The following GNAS variants were observed in gnomAD, a reference collection of about 807,000 sequenced individuals.
GNAS encodes GNAS complex locus.
A neutral mutation model predicts 54.5 loss-of-function variants in GNAS; 8 were observed. The observed-to-expected ratio is 0.15, with a 90% CI of 0.09 to 0.26. The LOEUF is 0.26. Ranked by LOEUF, GNAS falls within the 10% of genes least tolerant of loss-of-function variation. GNAS has a pLI of 1.00. For missense variants in GNAS, 170 were observed against 529.8 expected, an observed-to-expected ratio of 0.32 and a Z score of 6.67; for synonymous variants, 204 against 191.4, an observed-to-expected ratio of 1.07 and a Z score of -0.54.
At position 58,858,211 on chromosome 20, in the gene GNAS, A is replaced by G. The variant is rs535460420; in HGVS notation, c.43+17325A>G. On this transcript the variant is annotated intron_variant, in intron 1 of 12. Coordinates refer to the GNAS transcript ENST00000306090. Reference sequence around the variant, plus strand: ...AACAAGACATCCATACATCCCTACCACTGAAAATGCAGATCAAATGGCTGT... The same window carrying G: ...AACAAGACATCCATACATCCCTACCGCTGAAAATGCAGATCAAATGGCTGT... Among the ~76,000 whole-genome samples, 18 of 152,320 alleles carry G rather than the reference A, an allele frequency of 1.2e-4. No homozygotes were observed. In the South Asian group the frequency reaches 3.7e-3, roughly 32 times the overall value.
rs2091384119 is a variant in GNAS, at chr20:58,910,800, A to G, written c.1156A>G (p.Met386Val). 1.2e-6 allele frequency: 2 copies of G among 1,614,076 alleles called. No individual in the cohort carries two copies. Among genetic ancestry groups the G allele is most frequent in the Non-Finnish European group, 1.7e-6 (2 of 1,180,038 alleles). ...FNDCRDIIQR[M>V]HLRQYELL is the part of the protein sequence containing the mutation. Reference sequence around the variant, plus strand: ...CGACTGCCGTGACATCATTCAGCGCATGCACCTTCGTCAGTACGAGCTGCT... The same window carrying G: ...CGACTGCCGTGACATCATTCAGCGCGTGCACCTTCGTCAGTACGAGCTGCT... Residue 386 changes from methionine (M) to valine (V), a missense_variant, in exon 13 of 13, where the codon ATG becomes GTG. Met to Val is a conservative substitution (Grantham distance 21). Transcript: ENST00000371085. The surrounding 1 kb of genome is among the most constrained non-coding windows in gnomAD (Gnocchi z 5.8).
upstream of GNAS, chr20:58,889,403 G>C: frequency 1.0e-6 from 1 of 981,842 alleles, no homozygotes. Context: ...GTCGCCCGGC[G>C]CAGGCAAGAG....
rs2086245794 is a variant in GNAS, at chr20:58,853,004, TG to T, written c.43+12124del. 4.7e-6 allele frequency: 6 copies of T among 1,282,980 alleles called. No individual in the cohort carries two copies. Among genetic ancestry groups the T allele is most frequent in the Non-Finnish European group, 3.9e-6 (4 of 1,016,314 alleles). The allele number at this position is 1,282,980 out of a possible 1,614,324, so 79.5% of individuals were successfully genotyped here. On this transcript the variant is annotated intron_variant, in intron 1 of 12. Coordinates refer to the GNAS transcript ENST00000306090. This position sits in a 1 kb window ranked among gnomAD's most constrained non-coding sequence, Gnocchi z 4.4. ...TAAGGATAGACCAAGGAAGAGGGGC[TG>T]GGGGGCAGCCTGGGGGCATGAAAAG...
Position 58,855,263 on chromosome 20 carries a change from TA to T in GNAS, c.43+14379del. On this transcript the variant is annotated intron_variant, in intron 1 of 12. Coordinates refer to the GNAS transcript ENST00000306090. ...AGAAGCGCGCAGAGAAGAAACGCAGTAAGCTCATCGACAAACAACTCCAGGA... is the reference window on the plus strand; with the variant it reads ...AGAAGCGCGCAGAGAAGAAACGCAGTAGCTCATCGACAAACAACTCCAGGA... 2 of 1,588,034 alleles carry T rather than the reference TA, an allele frequency of 1.3e-6. No homozygotes were observed. The highest frequency in any genetic ancestry group is 1.7e-6 in the Non-Finnish European group (2 of 1,166,750).
At chr20:58,868,421 T>C (rs944457254) in intron 1 of GNAS, among the ~76,000 whole-genome samples, 1 of 152,014 alleles carries the variant, frequency 6.6e-6, no homozygotes, top group African/African-American at 2.4e-5. Flanking sequence ...CCCAAAGTGC[T>C]GGGATTACAG....
intron 1 of GNAS, among the ~76,000 whole-genome samples, chr20:58,877,739 G>A (rs1195243553): frequency 6.6e-6 from 1 of 152,224 alleles, no homozygotes; most frequent in Non-Finnish European, 1.5e-5. Flanking sequence ...GAACGGCGCT[G>A]TCACTGACTT....
chr20:58,901,877 C>G (rs972115857), intron 3 of GNAS, among the ~76,000 whole-genome samples: 1 of 135,706 alleles, frequency 7.4e-6, no homozygotes, highest in Non-Finnish European at 1.6e-5. Context: ...CTGCCCTGCC[C>G]TGCTCGTCTG....
At chr20:58,895,997 G>T (rs2090011966) in intron 2 of GNAS, among the ~76,000 whole-genome samples, 1 of 152,150 alleles carries the variant, frequency 6.6e-6, no homozygotes, top group South Asian at 2.1e-4. Context: ...CCCTCTCCGG[G>T]CCAGGTCCCT....
At chr20:58,874,066 C>T (rs1483990889) in intron 1 of GNAS, among the ~76,000 whole-genome samples, 1 of 152,176 alleles carries the variant, frequency 6.6e-6, no homozygotes, top group Non-Finnish European at 1.5e-5. Flanking sequence ...ATTTTCATGC[C>T]ACTCTGAGGC....
intron 3 of GNAS, chr20:58,900,170 A>C: frequency 1.7e-6 from 1 of 581,816 alleles, no homozygotes; most frequent in Non-Finnish European, 3.1e-6. Context: ...ATGTAGTATG[A>C]CAACTATCCA....
At chr20:58,840,748 G>A (rs758514619), upstream of GNAS, 3 of 1,605,990 alleles carry the variant, frequency 1.9e-6, no homozygotes, top group Non-Finnish European at 1.7e-6. The surrounding 1 kb of genome is among the most constrained non-coding windows in gnomAD (Gnocchi z 6.0). Context: ...AGGAGGAGAA[G>A]CAGCGGCGTC....
chr20:58,839,908 G>T, upstream of GNAS: 1 of 608,270 alleles, frequency 1.6e-6, no homozygotes, highest in Non-Finnish European at 2.9e-6. Context: ...AGCAAGGCGC[G>T]GAGCTTTAGA....
At position 58,875,849 on chromosome 20, in the gene GNAS, C is replaced by T. The variant is rs183543433; in HGVS notation, c.44-19763C>T. Among the ~76,000 whole-genome samples, 102 of 152,276 alleles carry T rather than the reference C, an allele frequency of 6.7e-4. 3 individuals carry two copies. In the East Asian group the frequency reaches 0.015, roughly 23 times the overall value. On this transcript the variant is annotated intron_variant, in intron 1 of 12. Transcript: ENST00000306090. ...AAATAAAAGAGGCTTGAGTACTATA[C>T]GGTTGCTTTACTTTCTTTAAAAAAG...
At chr20:58,874,685 T>C (rs6026571) in intron 1 of GNAS, among the ~76,000 whole-genome samples, 15,209 of 145,750 alleles carry the variant, frequency 0.1, 1,065 homozygotes, top group African/African-American at 0.22. Flanking sequence ...CTGGCCTGCC[T>C]TCTATCTTTG....
intron 1 of GNAS, among the ~76,000 whole-genome samples, chr20:58,880,870 T>G (rs1438190503): frequency 6.6e-6 from 1 of 152,246 alleles, no homozygotes; most frequent in Non-Finnish European, 1.5e-5. Flanking sequence ...GTTTTGTTTT[T>G]AAACAAAGTT....
chr20:58,884,618 C>T (rs2088465432), intron 1 of GNAS: 1 of 152,206 alleles, frequency 6.6e-6, no homozygotes, highest in African/African-American at 2.4e-5. Context: ...CATTATTCTC[C>T]ATCCTGGATG....
chr20:58,840,969 G>A lies in GNAS; in HGVS notation c.43+83G>A. The stretch of plus-strand genomic sequence containing the variant: ...GGAAAGGAGGTGAGAAGGAAAGGCA[G>A]GTCAGGGGCGAGTGGGAAGAGAGGA... On this transcript the variant is annotated intron_variant, in intron 1 of 12. Coordinates refer to the GNAS transcript ENST00000306090. The surrounding 1 kb of genome is among the most constrained non-coding windows in gnomAD (Gnocchi z 6.0). The A allele has an allele frequency of 2.8e-6, 4 of 1,435,568 alleles. No homozygotes were observed. Among genetic ancestry groups the A allele is most frequent in the Non-Finnish European group, 3.8e-6 (4 of 1,039,134 alleles). 88.9% of individuals were successfully genotyped at this position (1,435,568 alleles called of 1,614,324 possible).
chr20:58,887,034 G>A (rs2088638023), upstream of GNAS, among the ~76,000 whole-genome samples: 1 of 152,190 alleles, frequency 6.6e-6, no homozygotes, highest in Admixed American at 6.5e-5. Flanking sequence ...TGCCTAGGAC[G>A]CATGTTAGTA....
At chr20:58,892,160 T>C (rs2089474739) in intron 1 of GNAS, 1 of 932,980 alleles carries the variant, frequency 1.1e-6, no homozygotes, top group African/African-American at 1.9e-5. Flanking sequence ...TCCCCCTCTT[T>C]CTCTCTTTCT....
Sources: gnomAD v4.1 joint callset for allele counts (sites outside exome capture counted in the v4.1 genomes callset) on GRCh38, gnomAD v4.1.1 for gene constraint, Gnocchi (gnomAD v3.1) non-coding constraint, MANE v1.5 for transcripts, NCBI Gene and HGNC (gene_info 2026-07-23, HGNC 2026-07-21) for gene names.